Variants in IST1 observed in about 807,000 individuals in gnomAD.
IST1 encodes IST1 factor associated with ESCRT-III.
In IST1, 23 loss-of-function variants were observed where a neutral mutation model predicts 37.0. The ratio of observed to expected loss-of-function variants is 0.62; its 90% CI spans 0.45 to 0.88. The LOEUF (loss-of-function observed/expected upper bound fraction) is 0.88. IST1 is among the 40% of genes least tolerant of loss of function. The pLI, the probability that IST1 is intolerant of heterozygous loss-of-function variation, is 0.00. For missense variants in IST1, 488 were observed against 445.4 expected (o/e 1.10, Z -0.86); for synonymous variants, 180 against 161.7 (o/e 1.11, Z -0.86).
In IST1 at chr16:71,927,596, G is replaced by A. The variant is rs367633749; in HGVS notation, c.902-18G>A. ...ATTTCTCTGGTATTTGTAACGTTGT[G>A]CTCCTTGCCCTAATTAGGTCCTGGA... On this transcript the variant is annotated intron_variant, in intron 9 of 9. Coordinates refer to ENST00000378799, the MANE Select transcript of IST1 (RefSeq NM_001270975.2). 4 of 1,580,076 alleles carry A rather than the reference G, an allele frequency of 2.5e-6. No homozygotes were observed. Among genetic ancestry groups the A allele is most frequent in the Non-Finnish European group, 3.5e-6 (4 of 1,149,732 alleles).
chr16:71,916,772 T>A (rs1372695686), intron 3 of IST1, 130 bp downstream of exon 3: 2 of 777,448 alleles, frequency 2.6e-6, no homozygotes, highest in East Asian at 2.7e-5. Flanking sequence ...CTGAAAGGCC[T>A]GTTAAAAAGA....
chr16:71,895,382 A>C (rs1437205872), upstream of IST1: 1 of 322,984 alleles, frequency 3.1e-6, no homozygotes, highest in Admixed American at 6.5e-5. Flanking sequence ...CGCCGACTCC[A>C]AAGGAAACCG....
intron 1 of IST1, among the ~76,000 whole-genome samples, chr16:71,915,182 T>C (rs1271090240): frequency 1.3e-5 from 2 of 152,186 alleles, no homozygotes; most frequent in Admixed American, 1.3e-4. Flanking sequence ...TTTAATCATC[T>C]TCCCCCATTG....
At chr16:71,907,401 C>T (rs1374282682) in intron 1 of IST1, among the ~76,000 whole-genome samples, 1 of 151,758 alleles carries the variant, frequency 6.6e-6, no homozygotes, top group Non-Finnish European at 1.5e-5. Flanking sequence ...CCTCAGCCTC[C>T]CGAGTAGCTG....
intron 1 of IST1, among the ~76,000 whole-genome samples, chr16:71,901,065 A>G (rs1235533129): frequency 6.6e-6 from 1 of 152,240 alleles, no homozygotes; most frequent in African/African-American, 2.4e-5. Flanking sequence ...ATATATGAAT[A>G]GTAAATGTTG....
chr16:71,896,585 C>G, intron 1 of IST1, among the ~76,000 whole-genome samples: 1 of 151,886 alleles, frequency 6.6e-6, no homozygotes, highest in Non-Finnish European at 1.5e-5. Context: ...CTCTCCTTTC[C>G]CAGTAGAAGC....
In IST1 at chr16:71,930,138, T is replaced by A. The variant is rs943603318; in HGVS notation, c.*2325T>A. On this transcript the variant is annotated 3_prime_UTR_variant, in exon 10 of 10. Coordinates refer to ENST00000378799, the MANE Select transcript of IST1 (RefSeq NM_001270975.2). ...ACCACAAGTACCATCAAGATGACAC[T>A]GGTGAGGATCAGAAAGGTGCCCAGG... The A allele has an allele frequency of 1.3e-6, 2 of 1,551,628 alleles. No individual in the cohort carries two copies. Among genetic ancestry groups the A allele is most frequent in the Non-Finnish European group, 8.7e-7 (1 of 1,146,906 alleles).
chr16:71,920,560 T>TTGGATGGA (rs140935789), intron 4 of IST1, among the ~76,000 whole-genome samples, 179 bp from the exon 5 acceptor site: 21 of 152,244 alleles, frequency 1.4e-4, no homozygotes, highest in Admixed American at 8.5e-4. Flanking sequence ...GTGCTGCTCA[T>TTGGATGGA]TGGATGGATG....
At chr16:71,907,604 TCATTAAGA>T (rs572032799) in intron 1 of IST1, among the ~76,000 whole-genome samples, 1 of 152,038 alleles carries the variant, frequency 6.6e-6, no homozygotes, top group Non-Finnish European at 1.5e-5. Flanking sequence ...GACCCAACTG[TCATTAAGA>T]CATTAAGACC....
intron 7 of IST1, 144 bp downstream of exon 7, chr16:71,922,824 G>GA (rs2037638501): frequency 8.9e-6 from 6 of 674,248 alleles, no homozygotes; most frequent in South Asian, 5.6e-5. Context: ...ATCTTGTGGG[G>GA]AAAAAACACA....
chr16:71,896,207 C>A (rs1412726332), intron 1 of IST1, among the ~76,000 whole-genome samples: 1 of 151,966 alleles, frequency 6.6e-6, no homozygotes, highest in Non-Finnish European at 1.5e-5. Flanking sequence ...AGGATCCTTG[C>A]GCCTCTCCTC....
intron 5 of IST1, 100 bp from the exon 6 acceptor site, chr16:71,921,243 A>T (rs557565631): frequency 1.3e-6 from 1 of 742,708 alleles, no homozygotes; most frequent in African/African-American, 1.7e-5. Context: ...TTTTCCCTCA[A>T]TATTACCTGT....
chr16:71,897,871 C>G (rs770509504), intron 1 of IST1, among the ~76,000 whole-genome samples: 1 of 152,254 alleles, frequency 6.6e-6, no homozygotes, highest in East Asian at 1.9e-4. Context: ...CTTGCTCGAA[C>G]CCGAGAGGCG....
chr16:71,923,655 A>T, intron 8 of IST1: 1 of 319,912 alleles, frequency 3.1e-6, no homozygotes, highest in Non-Finnish European at 5.8e-6. Flanking sequence ...CTATGAGGGC[A>T]CTTAGCCAGT....
intron 1 of IST1, among the ~76,000 whole-genome samples, chr16:71,912,403 A>G (rs987686304): frequency 2.0e-5 from 3 of 151,874 alleles, no homozygotes; most frequent in Non-Finnish European, 2.9e-5. Flanking sequence ...ATGCCTGGCT[A>G]ATTTTTTGTA....
At chr16:71,894,831 G>A (rs1462636331), upstream of IST1, 12 of 1,534,290 alleles carry the variant, frequency 7.8e-6, no homozygotes, top group African/African-American at 1.4e-5. Context: ...CTTAAGCAGC[G>A]ATAATGGTTT....
At chr16:71,924,927 G>A (rs916794935) in intron 9 of IST1, 110 bp downstream of exon 9, 26 of 749,586 alleles carry the variant, frequency 3.5e-5, no homozygotes, top group Admixed American at 8.4e-5. Flanking sequence ...ACTTCTATCT[G>A]CATGCCCTGT....
chr16:71,920,319 G>A (rs1053508881), intron 4 of IST1, among the ~76,000 whole-genome samples: 5 of 152,136 alleles, frequency 3.3e-5, no homozygotes, highest in South Asian at 2.1e-4. Flanking sequence ...CATAGGATAC[G>A]GCTTAACAAA....
At chr16:71,905,470 C>T (rs1382806990) in intron 1 of IST1, among the ~76,000 whole-genome samples, 2 of 151,554 alleles carry the variant, frequency 1.3e-5, no homozygotes, top group African/African-American at 4.9e-5. Flanking sequence ...CCTTCGTCTG[C>T]TGGGTTCAAG....
Sources: gnomAD v4.1 joint callset for allele counts (sites outside exome capture counted in the v4.1 genomes callset) on GRCh38, gnomAD v4.1.1 for gene constraint, MANE v1.5 for transcripts, NCBI Gene and HGNC (gene_info 2026-07-23, HGNC 2026-07-21) for gene names.